Variants in TCEANC2 observed in about 807,000 individuals in gnomAD.
The protein encoded by TCEANC2 is transcription elongation factor A N-terminal and central domain-containing protein 2.
TCEANC2 carries 20 observed loss-of-function variants against 22.8 expected under a neutral mutation model. The ratio of observed to expected loss-of-function variants is 0.88; its 90% CI spans 0.62 to 1.28. The LOEUF (loss-of-function observed/expected upper bound fraction) is 1.28. TCEANC2 is among the 50% of genes most tolerant of loss of function. TCEANC2 has a pLI of 0.00. For synonymous variants in TCEANC2, 84 were observed against 95.5 expected (o/e 0.88, Z 0.70); for missense variants, 251 against 249.7 (o/e 1.01, Z -0.03).
intron 3 of TCEANC2, among the ~76,000 whole-genome samples, chr1:54,071,419 A>G (rs781147384): frequency 6.6e-6 from 1 of 152,146 alleles, no homozygotes; most frequent in Non-Finnish European, 1.5e-5. Flanking sequence ...AATGGCTCAC[A>G]GGATTGCTGG....
intron 4 of TCEANC2, among the ~76,000 whole-genome samples, chr1:54,092,518 G>A (rs1480536217): frequency 1.3e-5 from 2 of 152,130 alleles, no homozygotes; most frequent in East Asian, 1.9e-4. Context: ...AAGAAAGAAG[G>A]GTTACACATG....
At chr1:54,093,709 G>C (rs1450486289) in intron 4 of TCEANC2, among the ~76,000 whole-genome samples, 1 of 148,624 alleles carries the variant, frequency 6.7e-6, no homozygotes, top group Non-Finnish European at 1.5e-5. Flanking sequence ...TGAAGTATGT[G>C]AATTCCAAGA....
rs41294786 is a variant in TCEANC2, at chr1:54,096,337, C to T, written c.491C>T (p.Ser164Phe). The change falls in exon 5 of 5, where the codon TCC becomes TTC. Residue 164 changes from serine to phenylalanine, a missense_variant. By Grantham distance (155) the Ser-to-Phe change is radical. Transcript: ENST00000234827. This position sits in a 1 kb window ranked among gnomAD's most constrained non-coding sequence, Gnocchi z 4.9. ...NIERETFHLC[S>F]RLINGPYRRT... is the part of the protein sequence containing the mutation. ...GAACGGGAAACGTTTCATCTCTGCT[C>T]CCGCCTCATTAATGGGCCGTACCGG... 6.2e-7 allele frequency: 1 copy of T among 1,609,190 alleles called. No individual in the cohort carries two copies. The highest frequency in any genetic ancestry group is 8.5e-7 in the Non-Finnish European group (1 of 1,175,872).
At chr1:54,080,827 A>C (rs1177167096) in intron 3 of TCEANC2, among the ~76,000 whole-genome samples, 1 of 152,250 alleles carries the variant, frequency 6.6e-6, no homozygotes, top group African/African-American at 2.4e-5. Flanking sequence ...CCTGGGTCAT[A>C]AGACCAGCCA....
rs1010341073 is a variant in TCEANC2, at chr1:54,092,721, C to T, written c.439-3564C>T. 6.6e-5 allele frequency among the ~76,000 whole-genome samples: 10 copies of T among 152,122 alleles called. No individual in the cohort carries two copies. In the East Asian group the frequency reaches 7.7e-4, roughly 12 times the overall value. On this transcript the variant is annotated intron_variant, in intron 4 of 4. Transcript: ENST00000234827. ...TGGGAAGTTCCGCACTTAAGGTAAA[C>T]GCATGAAGAAGACCCTGTTCCCATG...
downstream of TCEANC2, among the ~76,000 whole-genome samples, chr1:54,107,426 A>G (rs1235188583): frequency 6.6e-6 from 1 of 151,986 alleles, no homozygotes; most frequent in Non-Finnish European, 1.5e-5. Context: ...AGATTTTCCC[A>G]CTATGAAGTT....
At chr1:54,095,595 A>C (rs1429320017) in intron 4 of TCEANC2, among the ~76,000 whole-genome samples, 3 of 152,192 alleles carry the variant, frequency 2.0e-5, no homozygotes, top group African/African-American at 7.2e-5. Context: ...GAATTGCTAC[A>C]GTTCCCTTCC....
At chr1:54,089,988 G>A in intron 4 of TCEANC2, 1 of 687,746 alleles carries the variant, frequency 1.5e-6, no homozygotes. Flanking sequence ...ATTAGCTAGT[G>A]GAACCACTTT....
At chr1:54,080,796 C>T (rs914619415) in intron 3 of TCEANC2, among the ~76,000 whole-genome samples, 6 of 152,220 alleles carry the variant, frequency 3.9e-5, no homozygotes, top group Non-Finnish European at 8.8e-5. Flanking sequence ...AATCCCCTAA[C>T]CTTAAACCCA....
chr1:54,062,661 G>C (rs531833807), intron 2 of TCEANC2, among the ~76,000 whole-genome samples: 1 of 152,336 alleles, frequency 6.6e-6, no homozygotes, highest in South Asian at 2.1e-4. Flanking sequence ...ATGGTAAAAT[G>C]TGGTAAAGGA....
Position 54,098,716 on chromosome 1 carries a change from T to G in TCEANC2, c.*2243T>G, listed in dbSNP as rs1415009972. The G allele has an allele frequency of 1.3e-5, 2 of 152,220 alleles. No individual in the cohort carries two copies. The highest frequency in any genetic ancestry group is 3.9e-4 in the East Asian group (2 of 5,194). 9.4% of individuals were successfully genotyped at this position (152,220 alleles called of 1,614,324 possible). ...GGATAGTTGAGTGACTGGTTGTGGA[T>G]GTACAGTATAAGCATCTAATTCAAT... On this transcript the variant is annotated 3_prime_UTR_variant, in exon 5 of 5. Transcript: ENST00000234827.
At chr1:54,086,558 T>C (rs1658344008) in intron 3 of TCEANC2, among the ~76,000 whole-genome samples, 1 of 152,032 alleles carries the variant, frequency 6.6e-6, no homozygotes, top group Non-Finnish European at 1.5e-5. Context: ...AAAAATAAAA[T>C]GTTTTAAGAG....
At chr1:54,071,396 G>C (rs1341016566) in intron 3 of TCEANC2, among the ~76,000 whole-genome samples, 1 of 152,170 alleles carries the variant, frequency 6.6e-6, no homozygotes, top group Admixed American at 6.5e-5. Flanking sequence ...AGGGCTTAAG[G>C]ATCTGCTTCC....
intron 2 of TCEANC2, among the ~76,000 whole-genome samples, chr1:54,062,608 T>C (rs184450619): frequency 2.0e-5 from 3 of 152,292 alleles, no homozygotes; most frequent in African/African-American, 4.8e-5. Flanking sequence ...ATAGATGCAA[T>C]AATAGGAGTC....
chr1:54,064,692 CTT>C (rs67486092), intron 2 of TCEANC2, among the ~76,000 whole-genome samples: 128 of 93,676 alleles, frequency 1.4e-3, no homozygotes, highest in Middle Eastern at 0.015. Context: ...TGCATTTTTC[CTT>C]TTTTTTTTTT....
At chr1:54,091,528 T>A (rs1428942924) in intron 4 of TCEANC2, among the ~76,000 whole-genome samples, 1 of 152,208 alleles carries the variant, frequency 6.6e-6, no homozygotes, top group Non-Finnish European at 1.5e-5. Context: ...AAAAAAATGT[T>A]TCCATGTTGT....
chr1:54,058,845 C>T (rs752088597), intron 2 of TCEANC2, among the ~76,000 whole-genome samples: 30 of 151,992 alleles, frequency 2.0e-4, no homozygotes, highest in South Asian at 4.1e-4. Flanking sequence ...TTAGTAGAGA[C>T]GGGGTTTCAC....
intron 2 of TCEANC2, among the ~76,000 whole-genome samples, chr1:54,058,359 A>G (rs1557685497): frequency 6.6e-6 from 1 of 152,110 alleles, no homozygotes. Context: ...ACATGTCTGT[A>G]TCATTGCACT....
chr1:54,102,031 G>C lies in TCEANC2; in HGVS notation c.*5558G>C, dbSNP rs1483377315. ...CAGGGACATTCTCTTGAAAGTAAAA[G>C]ACAATTATTGCATCTCACTCCAACC... On this transcript the variant is annotated 3_prime_UTR_variant, in exon 5 of 5. Transcript: ENST00000234827. The C allele has an allele frequency of 6.6e-6, 1 of 152,222 alleles. No individual in the cohort carries two copies. Among genetic ancestry groups the C allele is most frequent in the Non-Finnish European group, 1.5e-5 (1 of 68,046 alleles). 9.4% of individuals were successfully genotyped at this position (152,222 alleles called of 1,614,324 possible).
Sources: gnomAD v4.1 joint callset for allele counts (sites outside exome capture counted in the v4.1 genomes callset) on GRCh38, gnomAD v4.1.1 for gene constraint, Gnocchi (gnomAD v3.1) non-coding constraint, MANE v1.5 for transcripts, NCBI Gene and HGNC (gene_info 2026-07-23, HGNC 2026-07-21) for gene names.